HPSE2: variants seen among roughly 807,000 people sequenced by gnomAD.
HPSE2 encodes heparanase 2 (inactive), also known as inactive heparanase-2.
HPSE2 carries 38 observed loss-of-function variants against 60.5 expected under a neutral mutation model. That is an observed-to-expected ratio of 0.63 (90% CI 0.48 to 0.82). The LOEUF is 0.82. Among genes scored for constraint, HPSE2 ranks in the 40% least tolerant of loss-of-function variants. The probability of loss-of-function intolerance (pLI) is 0.00; values close to 1 mark genes in which losing one functional copy is unlikely to be tolerated. For missense variants in HPSE2, 713 were observed against 740.4 expected (o/e 0.96, Z 0.43); for synonymous variants, 295 against 293.2 (o/e 1.01, Z -0.06).
chr10:99,151,055 A>G (rs1438503693), intron 2 of HPSE2, among the ~76,000 whole-genome samples: 1 of 152,166 alleles, frequency 6.6e-6, no homozygotes, highest in Non-Finnish European at 1.5e-5. Flanking sequence ...TATCAGTAAC[A>G]GCACAACAAA....
intron 3 of HPSE2, among the ~76,000 whole-genome samples, chr10:98,911,625 G>A (rs1182916842): frequency 6.6e-6 from 1 of 152,164 alleles, no homozygotes; most frequent in African/African-American, 2.4e-5. Context: ...AGAGTAATCA[G>A]AGATGAGGTA....
intron 3 of HPSE2, among the ~76,000 whole-genome samples, chr10:99,054,684 A>G (rs959698875): frequency 6.6e-6 from 1 of 152,182 alleles, no homozygotes; most frequent in Non-Finnish European, 1.5e-5. Flanking sequence ...ATGGAATCCA[A>G]CTACTCTACA....
chr10:98,856,037 A>G (rs1343496670), intron 3 of HPSE2, among the ~76,000 whole-genome samples: 1 of 152,160 alleles, frequency 6.6e-6, no homozygotes, highest in Non-Finnish European at 1.5e-5. Context: ...TAAAATCCAA[A>G]CCATAAAATG....
At chr10:98,646,286 A>C (rs1946766636) in intron 6 of HPSE2, among the ~76,000 whole-genome samples, 1 of 151,114 alleles carries the variant, frequency 6.6e-6, no homozygotes, top group Admixed American at 6.7e-5. Flanking sequence ...AAATTGCTAA[A>C]AATGATGATA....
At chr10:98,483,143 A>C (rs1941308097) in intron 10 of HPSE2, among the ~76,000 whole-genome samples, 1 of 152,206 alleles carries the variant, frequency 6.6e-6, no homozygotes, top group African/African-American at 2.4e-5. Context: ...CATAACCCTC[A>C]TATCTTGAGA....
intron 3 of HPSE2, among the ~76,000 whole-genome samples, chr10:99,108,859 T>C (rs1329505198): frequency 6.6e-6 from 1 of 152,160 alleles, no homozygotes; most frequent in Non-Finnish European, 1.5e-5. Flanking sequence ...ATTTTACAAT[T>C]CATATTCTTC....
At position 98,818,303 on chromosome 10, in the gene HPSE2, G is replaced by T. The variant is rs559638489; in HGVS notation, c.611-74247C>A. ...GAAGACAATTTTTTCCACAGGCTGG[G>T]GGTGGGGGATGATGAAATTGTTCCA... is the stretch of plus-strand genomic sequence containing the variant. On this transcript the variant is annotated intron_variant, in intron 3 of 11. Coordinates refer to ENST00000370552, the MANE Select transcript of HPSE2 (RefSeq NM_021828.5). Among the ~76,000 whole-genome samples, 8 of 152,272 alleles carry T rather than the reference G, an allele frequency of 5.3e-5. No homozygotes were observed. In the South Asian group the frequency reaches 1.7e-3, roughly 32 times the overall value.
At chr10:98,524,986 G>C (rs78447038) in intron 9 of HPSE2, among the ~76,000 whole-genome samples, 7,596 of 152,218 alleles carry the variant, frequency 0.05, 254 homozygotes, top group South Asian at 0.13. Flanking sequence ...AAAAGACAAA[G>C]CTTTACATTT....
Position 98,617,215 on chromosome 10 carries a change from T to A in HPSE2, c.1206-2197A>T, listed in dbSNP as rs181540612. Among the ~76,000 whole-genome samples, 5 of 152,334 alleles carry A rather than the reference T, an allele frequency of 3.3e-5. No individual in the cohort carries two copies. In the East Asian group the frequency reaches 9.6e-4, roughly 29 times the overall value. On this transcript the variant is annotated intron_variant, in intron 8 of 11. Transcript: ENST00000370552. ...GTTTTTATATGTGAAAAGATCCTAC[T>A]TGTTTACTCATTCATTATTTATTCA...
chr10:98,771,196 A>G lies in HPSE2; in HGVS notation c.611-27140T>C, dbSNP rs149205053. On this transcript the variant is annotated intron_variant, in intron 3 of 11. Coordinates refer to ENST00000370552, the MANE Select transcript of HPSE2 (RefSeq NM_021828.5). ...TATATCCTGTGGTGGAAAAACAGACATGGCTAAGCAGAAAACTGAAGATCT... is the reference window on the plus strand; with the variant it reads ...TATATCCTGTGGTGGAAAAACAGACGTGGCTAAGCAGAAAACTGAAGATCT... 5.9e-3 allele frequency among the ~76,000 whole-genome samples: 899 copies of G among 152,318 alleles called. 5 individuals carry two copies. The highest frequency in any genetic ancestry group is 0.02 in the African/African-American group (847 of 41,590).
the HPSE2 span, among the ~76,000 whole-genome samples, chr10:99,281,330 C>T: frequency 7.5e-6 from 1 of 134,182 alleles, no homozygotes; most frequent in Admixed American, 7.7e-5. Flanking sequence ...TTTATAATTA[C>T]TATATTTAAT....
chr10:98,530,741 T>C (rs1402464962), intron 9 of HPSE2, among the ~76,000 whole-genome samples: 1 of 152,122 alleles, frequency 6.6e-6, no homozygotes, highest in African/African-American at 2.4e-5. Context: ...AGGTAACCTG[T>C]AGCAGGGCTT....
intron 3 of HPSE2, among the ~76,000 whole-genome samples, chr10:98,844,955 T>C (rs1952001163): frequency 6.6e-6 from 1 of 152,184 alleles, no homozygotes; most frequent in African/African-American, 2.4e-5. Flanking sequence ...ATCAAGAATA[T>C]TTATTTCTAT....
At position 98,458,817 on chromosome 10, in the gene HPSE2, A is replaced by G. The variant is rs1342607435; in HGVS notation, c.*757T>C. 1.9e-5 allele frequency: 3 copies of G among 154,192 alleles called. No individual in the cohort carries two copies. Among genetic ancestry groups the G allele is most frequent in the Non-Finnish European group, 4.3e-5 (3 of 69,304 alleles). 9.6% of individuals were successfully genotyped at this position (154,192 alleles called of 1,614,324 possible). A position where few individuals can be genotyped will look rare whatever the true frequency, so the allele number is the denominator to read the frequency against. On this transcript the variant is annotated 3_prime_UTR_variant, in exon 12 of 12. Coordinates refer to ENST00000370552, the MANE Select transcript of HPSE2 (RefSeq NM_021828.5). ...TAATAAACTGCTCTCCACTCAATGAATATTGTTACTTGACTCCCATTACAA... is the reference window on the plus strand; with the variant it reads ...TAATAAACTGCTCTCCACTCAATGAGTATTGTTACTTGACTCCCATTACAA...
intron 9 of HPSE2, among the ~76,000 whole-genome samples, chr10:98,589,345 G>A (rs766306868): frequency 6.6e-6 from 1 of 152,278 alleles, no homozygotes; most frequent in East Asian, 1.9e-4. Context: ...CCACCTATCT[G>A]TGGTCTCTTG....
At chr10:99,242,081 G>C in the HPSE2 span, among the ~76,000 whole-genome samples, 1 of 152,178 alleles carries the variant, frequency 6.6e-6, no homozygotes, top group Non-Finnish European at 1.5e-5. Flanking sequence ...AGGGAAAACA[G>C]GAATAGGCAA....
the HPSE2 span, among the ~76,000 whole-genome samples, chr10:99,306,198 T>C: frequency 5.3e-5 from 8 of 152,106 alleles, no homozygotes; most frequent in African/African-American, 1.4e-4. Context: ...TGAGGAGATA[T>C]GTTGGAGGAT....
Position 98,937,402 on chromosome 10 carries a change from C to A in HPSE2, c.611-193346G>T, listed in dbSNP as rs1230532530. Among the ~76,000 whole-genome samples, 2 of 144,566 alleles carry A rather than the reference C, an allele frequency of 1.4e-5. 1 individual carries two copies. The highest frequency in any genetic ancestry group is 3.0e-5 in the Non-Finnish European group (2 of 67,246). 94.8% of individuals were successfully genotyped at this position (144,566 alleles called of 152,430 possible). ...CCACCCTAATACTGCGCTTTTCCGA[C>A]AGGCTTAAAAAACGGCGCACCAGGA... On this transcript the variant is annotated intron_variant, in intron 3 of 11. Coordinates refer to ENST00000370552, the MANE Select transcript of HPSE2 (RefSeq NM_021828.5).
chr10:98,928,432 G>A (rs1357817029), intron 3 of HPSE2, among the ~76,000 whole-genome samples: 5 of 96,130 alleles, frequency 5.2e-5, no homozygotes, highest in Admixed American at 1.0e-4. Flanking sequence ...TCAGTGTGGC[G>A]ATTCCTCAGG....
Sources: allele counts gnomAD v4.1 joint callset (sites outside exome capture counted in the v4.1 genomes callset), GRCh38; gene constraint gnomAD v4.1.1; transcripts MANE v1.5; gene names NCBI Gene and HGNC (gene_info 2026-07-23, HGNC 2026-07-21).